MYO7A: variants seen among roughly 807,000 people sequenced by gnomAD.
The protein encoded by MYO7A is myosin VIIA.
MYO7A carries 210 observed loss-of-function variants against 263.8 expected under a neutral mutation model. That is an observed-to-expected ratio of 0.80 (90% confidence interval 0.71 to 0.89). MYO7A has a LOEUF of 0.89. MYO7A is among the 40% of genes least tolerant of loss of function. The pLI, the probability that MYO7A is intolerant of heterozygous loss-of-function variation, is 0.00. For synonymous variants in MYO7A, 1,239 were observed against 1,197.3 expected, an observed-to-expected ratio of 1.03 and a Z score of -0.72; for missense variants, 2,820 against 2,968.3, an observed-to-expected ratio of 0.95 and a Z score of 1.16.
chr11:77,182,267 G>A, intron 24 of MYO7A, 113 bp downstream of exon 24: 1 of 1,470,614 alleles, frequency 6.8e-7, no homozygotes, highest in Admixed American at 1.9e-5. Flanking sequence ...TGGGGGCCAG[G>A]GACCAGGTCT....
chr11:77,149,869 C>A (rs1302228171), intron 4 of MYO7A, among the ~76,000 whole-genome samples: 1 of 152,150 alleles, frequency 6.6e-6, no homozygotes, highest in African/African-American at 2.4e-5. Flanking sequence ...CATCACCCAG[C>A]CAGCAGGGAG....
chr11:77,184,496 T>C (rs1955512561), intron 26 of MYO7A, 92 bp from the exon 27 acceptor site: 3 of 1,115,438 alleles, frequency 2.7e-6, no homozygotes, highest in Non-Finnish European at 3.9e-6. Flanking sequence ...AGATTCTGTT[T>C]TCTGGGGAGC....
rs397516298 is a variant in MYO7A, at chr11:77,182,006, C to T, written c.2960C>T (p.Pro987Leu). Reference sequence around the variant, plus strand: ...GAGGAGGACCTGGATGCAGCCCTGCCCCTGCCTGACGAGGATGAGGAGGAC... The same window carrying T: ...GAGGAGGACCTGGATGCAGCCCTGCTCCTGCCTGACGAGGATGAGGAGGAC... ...MVEEDLDAAL[P>L]LPDEDEEDLS... Residue 987 changes from proline (P) to leucine (L), a missense_variant, in exon 24 of 49, where the codon CCC becomes CTC. Transcript: ENST00000409709. 5.0e-6 allele frequency: 8 copies of T among 1,613,312 alleles called. No individual in the cohort carries two copies. The highest frequency in any genetic ancestry group is 1.1e-5 in the South Asian group (1 of 91,056).
At chr11:77,130,206 A>G (rs1365262312) in intron 1 of MYO7A, among the ~76,000 whole-genome samples, 1 of 152,236 alleles carries the variant, frequency 6.6e-6, no homozygotes, top group Non-Finnish European at 1.5e-5. Context: ...GCAGTCCCTA[A>G]GCTGAGTGCC....
At chr11:77,167,262 G>A (rs1159615586) in intron 15 of MYO7A, among the ~76,000 whole-genome samples, 2 of 152,114 alleles carry the variant, frequency 1.3e-5, no homozygotes, top group African/African-American at 2.4e-5. Flanking sequence ...TCTGGGAACC[G>A]GGGACAGAGT....
chr11:77,156,765 C>T lies in MYO7A; in HGVS notation c.576C>T (p.Ala192=). Residue 192 remains alanine, a synonymous_variant, in exon 6 of 49, where the codon GCC becomes GCT. Coordinates refer to ENST00000409709, the MANE Select transcript of MYO7A (RefSeq NM_000260.4). Reference sequence around the variant, plus strand: ...GGATTGAGCAGCAGGTCTTGGAGGCCACCCCCATTCTGGAAGGTAGGACCA... The same window carrying T: ...GGATTGAGCAGCAGGTCTTGGAGGCTACCCCCATTCTGGAAGGTAGGACCA... ...HSWIEQQVLE[A]TPILEAFGNA... The T allele has an allele frequency of 6.2e-7, 1 of 1,613,982 alleles. No homozygotes were observed. The highest frequency in any genetic ancestry group is 1.1e-5 in the South Asian group (1 of 91,082).
At chr11:77,153,554 T>C (rs1952171578) in intron 4 of MYO7A, among the ~76,000 whole-genome samples, 1 of 152,140 alleles carries the variant, frequency 6.6e-6, no homozygotes, top group East Asian at 1.9e-4. Context: ...CATGTCCCTC[T>C]CTGGACTTCC....
intron 18 of MYO7A, among the ~76,000 whole-genome samples, chr11:77,177,173 GAGA>G (rs2135444920): frequency 1.3e-5 from 2 of 152,310 alleles, no homozygotes; most frequent in South Asian, 4.1e-4. Context: ...CAAGGTTCGG[GAGA>G]AGAATGGCAA....
intron 44 of MYO7A, chr11:77,209,292 G>A (rs868658): frequency 0.48 from 76,698 of 159,962 alleles, 20,021 homozygotes; most frequent in Middle Eastern, 0.59. Context: ...CTCAGGCCGC[G>A]TGCTGTGATT....
intron 16 of MYO7A, among the ~76,000 whole-genome samples, chr11:77,173,704 C>T (rs1400776964): frequency 2.0e-5 from 3 of 152,106 alleles, no homozygotes; most frequent in African/African-American, 7.2e-5. Flanking sequence ...GAAAGTGGCC[C>T]GGAGAGAGAG....
intron 32 of MYO7A, 55 bp from the exon 33 acceptor site, chr11:77,197,426 A>G: frequency 1.5e-6 from 2 of 1,371,520 alleles, no homozygotes; most frequent in Non-Finnish European, 2.0e-6. Flanking sequence ...GCTGATTTTT[A>G]GAGCAAACTC....
At chr11:77,195,186 C>T (rs1349634879) in intron 32 of MYO7A, among the ~76,000 whole-genome samples, 4 of 152,114 alleles carry the variant, frequency 2.6e-5, no homozygotes, top group South Asian at 2.1e-4. Context: ...CGTCCTCACC[C>T]GGGAGCCCTG....
intron 39 of MYO7A, among the ~76,000 whole-genome samples, 165 bp from the exon 40 acceptor site, chr11:77,205,297 G>A (rs930127293): frequency 6.6e-6 from 1 of 152,126 alleles, no homozygotes; most frequent in African/African-American, 2.4e-5. Flanking sequence ...AGGGAGAGGG[G>A]TCTGTAGGTA....
chr11:77,170,611 AGTCCCTGTCTGAAGGCCCT>A (rs1343775840), intron 15 of MYO7A, among the ~76,000 whole-genome samples: 26 of 152,304 alleles, frequency 1.7e-4, no homozygotes, highest in African/African-American at 6.3e-4. Flanking sequence ...CACCCAGAAG[AGTCCCTGTCTGAAGGCCCT>A]GTGCTGTAGG....
chr11:77,130,721 C>A, intron 2 of MYO7A, 69 bp downstream of exon 2: 1 of 1,548,830 alleles, frequency 6.5e-7, no homozygotes, highest in Non-Finnish European at 8.8e-7. Flanking sequence ...TATGCTTACC[C>A]GTGGGACACC....
intron 18 of MYO7A, among the ~76,000 whole-genome samples, chr11:77,175,827 G>T (rs1555079766): frequency 6.6e-6 from 1 of 152,228 alleles, no homozygotes; most frequent in Non-Finnish European, 1.5e-5. Context: ...GGGGTCTCTT[G>T]AGTGTATCTT....
chr11:77,135,700 G>T (rs921320277), intron 2 of MYO7A, among the ~76,000 whole-genome samples: 2 of 151,804 alleles, frequency 1.3e-5, no homozygotes, highest in Non-Finnish European at 2.9e-5. Context: ...AGTGCATAAG[G>T]GTTCCATTTT....
chr11:77,167,979 G>A (rs770449902), intron 15 of MYO7A, among the ~76,000 whole-genome samples: 1 of 152,302 alleles, frequency 6.6e-6, no homozygotes, highest in South Asian at 2.1e-4. Flanking sequence ...CTGGCACCCA[G>A]GAGAGTCCCC....
rs759572835 is a variant in MYO7A at position 77,190,879 on chromosome 11, GCCCGGAAGCACCTCCT to G, written c.3924+31_3924+46del. ...TTGCCCTGTTTGACAAGGTATGGCC[GCCCGGAAGCACCTCCT>G]CCCGGAAGCACCTCCTCCCGGCCCC... On this transcript the variant is annotated intron_variant, in intron 30 of 48. Transcript: ENST00000409709. 1,306 of 1,548,072 alleles carry G rather than the reference GCCCGGAAGCACCTCCT, an allele frequency of 8.4e-4. 6 individuals are homozygous for G. Among genetic ancestry groups the G allele is most frequent in the East Asian group, 7.8e-3 (327 of 41,718 alleles).
Sources: allele counts gnomAD v4.1 joint callset (sites outside exome capture counted in the v4.1 genomes callset), GRCh38; gene constraint gnomAD v4.1.1; transcripts MANE v1.5; gene names NCBI Gene and HGNC (gene_info 2026-07-23, HGNC 2026-07-21).